Variants in TNNI3K observed in about 807,000 individuals in gnomAD.
The protein encoded by TNNI3K is TNNI3 interacting kinase, also known as serine/threonine-protein kinase TNNI3K.
In TNNI3K, 140 loss-of-function variants were observed where a neutral mutation model predicts 114.5. The observed-to-expected ratio is 1.22, with a 90% CI of 1.07 to 1.41. TNNI3K has a LOEUF of 1.41. Ranked by LOEUF, TNNI3K falls within the 40% of genes most tolerant of loss-of-function variation. The pLI is 0.00. For missense variants in TNNI3K, 1,125 were observed against 1,007.6 expected, an observed-to-expected ratio of 1.12 and a Z score of -1.58; for synonymous variants, 347 against 347.5, an observed-to-expected ratio of 1.00 and a Z score of 0.02.
intron 9 of TNNI3K, among the ~76,000 whole-genome samples, chr1:74,348,633 T>G (rs1661154791): frequency 6.6e-6 from 1 of 152,238 alleles, no homozygotes; most frequent in Non-Finnish European, 1.5e-5. Flanking sequence ...CCCATGAGCA[T>G]GGAATATTCT....
intron 5 of TNNI3K, among the ~76,000 whole-genome samples, chr1:74,324,095 A>G (rs1432771159): frequency 6.6e-6 from 1 of 152,250 alleles, no homozygotes; most frequent in East Asian, 1.9e-4. Context: ...GACTATAAAT[A>G]TTAGTCCTGC....
intron 17 of TNNI3K, among the ~76,000 whole-genome samples, chr1:74,426,257 C>T (rs1570605610): frequency 6.6e-6 from 1 of 152,084 alleles, no homozygotes; most frequent in Non-Finnish European, 1.5e-5. Context: ...ACAAATTCCC[C>T]TGAAGTCATA....
intron 7 of TNNI3K, among the ~76,000 whole-genome samples, chr1:74,340,750 G>A (rs968582498): frequency 1.3e-4 from 20 of 152,178 alleles, no homozygotes; most frequent in African/African-American, 4.3e-4. Flanking sequence ...CTTATGTCAC[G>A]CTCCAGATGC....
chr1:74,533,848 T>C (rs1217041925), intron 23 of TNNI3K, among the ~76,000 whole-genome samples: 1 of 152,106 alleles, frequency 6.6e-6, no homozygotes, highest in Non-Finnish European at 1.5e-5. Context: ...CACTCATAGG[T>C]GGGAATTGAA....
In TNNI3K at chr1:74,336,115, A is replaced by C. The variant is rs1660449343; in HGVS notation, c.648A>C (p.Ala216=). Residue 216 remains alanine (A), a synonymous_variant, in exon 7 of 25, where the codon GCA becomes GCC. Coordinates refer to ENST00000326637, the MANE Select transcript of TNNI3K (RefSeq NM_015978.3). ...LASAKGFLNI[A]KLLMEEGSKA... ...CTGCAAAAGGATTCTTGAATATTGCAAAACTCTTGATGGAAGAAGGCAGCA... is the reference window on the plus strand; with the variant it reads ...CTGCAAAAGGATTCTTGAATATTGCCAAACTCTTGATGGAAGAAGGCAGCA... 4 of 1,604,326 alleles carry C rather than the reference A, an allele frequency of 2.5e-6. No individual in the cohort carries two copies. Among genetic ancestry groups the C allele is most frequent in the Non-Finnish European group, 3.4e-6 (4 of 1,177,368 alleles).
intron 23 of TNNI3K, among the ~76,000 whole-genome samples, chr1:74,503,236 AT>A (rs1414390966): frequency 1.3e-5 from 2 of 152,222 alleles, no homozygotes; most frequent in African/African-American, 4.8e-5. Context: ...ACTCTTTCTC[AT>A]GCATAAATAC....
intron 5 of TNNI3K, among the ~76,000 whole-genome samples, chr1:74,330,706 G>GA (rs1339046369): frequency 3.9e-5 from 6 of 152,168 alleles, no homozygotes; most frequent in Middle Eastern, 6.8e-3. Context: ...AAAATGGATA[G>GA]AAAAAATATT....
In TNNI3K at chr1:74,250,769, G is replaced by A. The variant is rs1415041740; in HGVS notation, c.333G>A (p.Lys111=). The A allele has an allele frequency of 3.7e-6, 6 of 1,606,450 alleles. No homozygotes were observed. Among genetic ancestry groups the A allele is most frequent in the Admixed American group, 1.7e-5 (1 of 58,692 alleles). The change falls in exon 4 of 25, where the codon AAG becomes AAA. Residue 111 remains lysine (K), a splice_region_variant and synonymous_variant. Transcript: ENST00000326637. The part of the protein sequence containing the change: ...GFTALHLAVY[K]DNAELITSLL... ...CAGCCTTGCATTTAGCAGTTTACAA[G>A]GTAGGACACTTTAATTCCCATAAAC...
At chr1:74,496,058 C>CA (rs373005283) in intron 23 of TNNI3K, among the ~76,000 whole-genome samples, 78 of 152,276 alleles carry the variant, frequency 5.1e-4, no homozygotes, top group Non-Finnish European at 8.2e-4. Context: ...GAAGCTTTTA[C>CA]AAGTACCAGT....
intron 21 of TNNI3K, among the ~76,000 whole-genome samples, chr1:74,484,504 T>A (rs1465302741): frequency 6.6e-6 from 1 of 152,072 alleles, no homozygotes; most frequent in Non-Finnish European, 1.5e-5. Flanking sequence ...TGCTCTAGAA[T>A]AAATAAAACA....
In TNNI3K at chr1:74,398,488, C is replaced by G. The variant is rs72966936; in HGVS notation, c.1772+28096C>G. On this transcript the variant is annotated intron_variant, in intron 17 of 24. Coordinates refer to ENST00000326637, the MANE Select transcript of TNNI3K (RefSeq NM_015978.3). ...AACAAAAAGGTAGTTAGAAAACAGA[C>G]TACCAGAGGGAGACCTCTTGGGTTA... 1.2e-3 allele frequency among the ~76,000 whole-genome samples: 179 copies of G among 152,294 alleles called. 1 individual carries two copies. Among genetic ancestry groups the G allele is most frequent in the African/African-American group, 4.1e-3 (170 of 41,546 alleles).
intron 23 of TNNI3K, among the ~76,000 whole-genome samples, chr1:74,522,172 A>T (rs977344335): frequency 5.3e-5 from 8 of 152,226 alleles, no homozygotes; most frequent in African/African-American, 1.9e-4. Flanking sequence ...CAGGTGAAGC[A>T]TTCAGACCCT....
At chr1:74,388,424 A>G (rs1465453630) in intron 17 of TNNI3K, among the ~76,000 whole-genome samples, 2 of 152,248 alleles carry the variant, frequency 1.3e-5, no homozygotes, top group African/African-American at 4.8e-5. Flanking sequence ...AGGAAAATGC[A>G]GATGCAGTGA....
intron 5 of TNNI3K, among the ~76,000 whole-genome samples, chr1:74,280,392 TA>T (rs1200448970): frequency 1.4e-4 from 16 of 114,226 alleles, no homozygotes; most frequent in Non-Finnish European, 1.6e-4. Context: ...AAAAAAAAAA[TA>T]AAATAAAATA....
chr1:74,458,637 A>T (rs1407501268), intron 20 of TNNI3K, among the ~76,000 whole-genome samples: 1 of 152,212 alleles, frequency 6.6e-6, no homozygotes, highest in Non-Finnish European at 1.5e-5. Flanking sequence ...AATGAATAAG[A>T]TATTTATTGC....
chr1:74,274,018 T>C (rs1403988463), intron 5 of TNNI3K, among the ~76,000 whole-genome samples: 1 of 151,948 alleles, frequency 6.6e-6, no homozygotes, highest in African/African-American at 2.4e-5. Flanking sequence ...CCCTGTACAG[T>C]TGAAAATCTA....
intron 23 of TNNI3K, among the ~76,000 whole-genome samples, chr1:74,534,224 T>G (rs113092200): frequency 2.6e-5 from 1 of 38,318 alleles, no homozygotes; most frequent in Non-Finnish European, 4.2e-5. Flanking sequence ...ATTTCACTCT[T>G]AACTTTCAAG....
At chr1:74,323,447 A>T (rs555676225) in intron 5 of TNNI3K, among the ~76,000 whole-genome samples, 3 of 148,636 alleles carry the variant, frequency 2.0e-5, no homozygotes, top group African/African-American at 7.4e-5. Flanking sequence ...ACTAGCACAC[A>T]TTTTTTTTTT....
chr1:74,311,996 C>T (rs1361445806), intron 5 of TNNI3K, among the ~76,000 whole-genome samples: 1 of 152,026 alleles, frequency 6.6e-6, no homozygotes, highest in Admixed American at 6.6e-5. Flanking sequence ...GTGTGATTTC[C>T]ATTTCATGTA....
Sources: allele counts gnomAD v4.1 joint callset (sites outside exome capture counted in the v4.1 genomes callset), GRCh38; gene constraint gnomAD v4.1.1; transcripts MANE v1.5; gene names NCBI Gene and HGNC (gene_info 2026-07-23, HGNC 2026-07-21).